MYLK: variants seen among roughly 807,000 people sequenced by gnomAD.
The protein encoded by MYLK is myosin light chain kinase, smooth muscle.
In MYLK, 106 loss-of-function variants were observed where a neutral mutation model predicts 203.4. That is an observed-to-expected ratio of 0.52 (90% CI 0.45 to 0.61). The LOEUF is 0.61. Ranked by LOEUF, MYLK falls within the 20% of genes least tolerant of loss-of-function variation. The pLI is 0.00. For synonymous variants in MYLK, 867 were observed against 959.5 expected, an observed-to-expected ratio of 0.90 and a Z score of 1.78; for missense variants, 2,072 against 2,442.3, an observed-to-expected ratio of 0.85 and a Z score of 3.20.
chr3:123,768,501 C>T (rs1163614726), intron 4 of MYLK, among the ~76,000 whole-genome samples: 1 of 152,198 alleles, frequency 6.6e-6, no homozygotes, highest in African/African-American at 2.4e-5. Context: ...GCAAAGACCC[C>T]TAACACCATG....
intron 5 of MYLK, among the ~76,000 whole-genome samples, chr3:123,746,816 A>C (rs1195766196): frequency 1.3e-5 from 2 of 149,316 alleles, no homozygotes; most frequent in Non-Finnish European, 3.0e-5. Flanking sequence ...TTTAAAAAAT[A>C]GGGTATATAC....
chr3:123,793,131 T>C (rs1432664788), intron 4 of MYLK, among the ~76,000 whole-genome samples: 1 of 152,168 alleles, frequency 6.6e-6, no homozygotes, highest in Non-Finnish European at 1.5e-5. Context: ...GGAATGATCA[T>C]GCCTATTTGT....
chr3:123,862,878 C>T (rs546029985), intron 2 of MYLK, among the ~76,000 whole-genome samples: 1 of 152,170 alleles, frequency 6.6e-6, no homozygotes, highest in African/African-American at 2.4e-5. Flanking sequence ...ATCCCATGGG[C>T]TCCCCAGCTC....
chr3:123,706,031 T>C (rs1464444502), intron 16 of MYLK, among the ~76,000 whole-genome samples: 2 of 152,208 alleles, frequency 1.3e-5, no homozygotes, highest in East Asian at 3.9e-4. Context: ...TCAAGCATAA[T>C]GCAAAGGCAG....
chr3:123,661,855 G>A (rs1376889857), intron 23 of MYLK, among the ~76,000 whole-genome samples: 1 of 152,200 alleles, frequency 6.6e-6, no homozygotes, highest in East Asian at 1.9e-4. Context: ...AGGGGGCTTT[G>A]CAGTACTTCC....
intron 24 of MYLK, among the ~76,000 whole-genome samples, chr3:123,650,935 G>T (rs2059190884): frequency 6.6e-6 from 1 of 152,200 alleles, no homozygotes; most frequent in South Asian, 2.1e-4. Context: ...GTCAGATGCT[G>T]TCACAGGGCA....
At chr3:123,794,315 G>C (rs1471251506) in intron 3 of MYLK, among the ~76,000 whole-genome samples, 2 of 152,200 alleles carry the variant, frequency 1.3e-5, no homozygotes, top group Non-Finnish European at 1.5e-5. Context: ...AGAAAAATGG[G>C]ATCCATACTC....
At chr3:123,881,208 G>A (rs1394727048) in intron 1 of MYLK, among the ~76,000 whole-genome samples, 2 of 152,034 alleles carry the variant, frequency 1.3e-5, no homozygotes, top group South Asian at 4.2e-4. Flanking sequence ...CAGTGACATC[G>A]TTCTGTCCCA....
At chr3:123,647,656 T>G (rs376230736) in intron 26 of MYLK, among the ~76,000 whole-genome samples, 3 of 152,204 alleles carry the variant, frequency 2.0e-5, no homozygotes, top group Admixed American at 2.0e-4. Context: ...ATATCAGCCT[T>G]TATGAAAGGC....
chr3:123,680,326 A>G (rs550182255), intron 20 of MYLK, among the ~76,000 whole-genome samples: 1 of 152,158 alleles, frequency 6.6e-6, no homozygotes, highest in African/African-American at 2.4e-5. Flanking sequence ...GAGGCTGCCC[A>G]CCAGATCAAT....
rs2059420537 is a variant in MYLK, at chr3:123,657,354, C to A, written c.4060G>T (p.Gly1354Cys). 1 of 1,614,028 alleles carries A rather than the reference C, an allele frequency of 6.2e-7. No homozygotes were observed. Among genetic ancestry groups the A allele is most frequent in the Non-Finnish European group, 8.5e-7 (1 of 1,180,032 alleles). Residue 1354 changes from glycine to cysteine, a missense_variant, in exon 24 of 34, where the codon GGC becomes TGC. Coordinates refer to ENST00000360304, the MANE Select transcript of MYLK (RefSeq NM_053025.4). ...GCACTGCCCCCATCATATGAGGAGC[C>A]ATACCAGGACAGGGTCAGTGAGGAG... ...RSSSLTLSWY[G>C]SSYDGGSAVQ...
At chr3:123,857,676 T>G in intron 2 of MYLK, among the ~76,000 whole-genome samples, 1 of 148,700 alleles carries the variant, frequency 6.7e-6, no homozygotes, top group African/African-American at 2.5e-5. Flanking sequence ...AGGGATAGCA[T>G]TGGGAGATAT....
At chr3:123,883,508 C>G (rs1321201806) in intron 1 of MYLK, among the ~76,000 whole-genome samples, 1 of 152,198 alleles carries the variant, frequency 6.6e-6, no homozygotes, top group South Asian at 2.1e-4. Flanking sequence ...CAATGCCACT[C>G]CTAGAAATTC....
At chr3:123,709,272 C>A in intron 14 of MYLK, 1 of 230,252 alleles carries the variant, frequency 4.3e-6, no homozygotes, top group South Asian at 6.3e-5. Flanking sequence ...TCCCGAGTAG[C>A]TGGGACTACA....
chr3:123,700,030 G>A lies in MYLK; in HGVS notation c.3438C>T (p.Leu1146=), dbSNP rs146320279. The A allele has an allele frequency of 2.1e-4, 338 of 1,614,104 alleles. No individual in the cohort carries two copies. Among genetic ancestry groups the A allele is most frequent in the Middle Eastern group, 1.2e-3 (7 of 6,062 alleles). The change falls in exon 18 of 34, where the codon CTC becomes CTT. Residue 1146 remains leucine (L), a synonymous_variant. Coordinates refer to ENST00000360304, the MANE Select transcript of MYLK (RefSeq NM_053025.4). The part of the protein sequence containing the change: ...KTLKTTKFII[L]SQEGSLCSVS... The stretch of plus-strand genomic sequence containing the variant: ...CCCATGCTCATTTACCTTCCTGGGA[G>A]AGGATGATGAACTTGGTGGTCTTGA...
chr3:123,853,143 T>C (rs36104278), intron 2 of MYLK, among the ~76,000 whole-genome samples: 17,555 of 151,908 alleles, frequency 0.12, 1,057 homozygotes, highest in Middle Eastern at 0.22. Context: ...AAAAAAATTG[T>C]GGGTGTAGTT....
Position 123,834,885 on chromosome 3 carries a change from G to GTGTCA in MYLK, c.-126-3220_-126-3216dup, listed in dbSNP as rs2066436198. On this transcript the variant is annotated intron_variant, in intron 2 of 33. Transcript: ENST00000360304. The stretch of plus-strand genomic sequence containing the variant: ...TGAAGGAGGATGCCAGGTTTCTGAT[G>GTGTCA]TGTCAGCTCTGCTGGTGGTAAAATG... Among the ~76,000 whole-genome samples, 5 of 152,278 alleles carry GTGTCA rather than the reference G, an allele frequency of 3.3e-5. No homozygotes were observed. In the South Asian group the frequency reaches 8.3e-4, roughly 25 times the overall value.
At chr3:123,747,001 G>A (rs1444711865) in intron 5 of MYLK, among the ~76,000 whole-genome samples, 2 of 152,138 alleles carry the variant, frequency 1.3e-5, no homozygotes, top group Non-Finnish European at 2.9e-5. Flanking sequence ...CAAACATCCA[G>A]GAGGAACACA....
intron 4 of MYLK, among the ~76,000 whole-genome samples, chr3:123,786,680 T>C (rs761351200): frequency 7.2e-5 from 11 of 152,210 alleles, no homozygotes; most frequent in Non-Finnish European, 1.6e-4. Flanking sequence ...AAAGGATAAA[T>C]GCTTGAGGGG....
Sources: allele counts gnomAD v4.1 joint callset (sites outside exome capture counted in the v4.1 genomes callset), GRCh38; gene constraint gnomAD v4.1.1; transcripts MANE v1.5; gene names NCBI Gene and HGNC (gene_info 2026-07-23, HGNC 2026-07-21).